The following SOX5 variants were observed in gnomAD, a reference collection of about 807,000 sequenced individuals.
The protein encoded by SOX5 is transcription factor SOX-5.
SOX5 carries 9 observed loss-of-function variants against 92.0 expected under a neutral mutation model. The observed-to-expected ratio is 0.10, with a 90% CI of 0.06 to 0.17. The LOEUF (loss-of-function observed/expected upper bound fraction) is 0.17. SOX5 is among the 10% of genes least tolerant of loss of function. SOX5 has a pLI of 1.00. For missense variants in SOX5, 642 were observed against 944.5 expected (o/e 0.68, Z 4.20); for synonymous variants, 344 against 336.3 (o/e 1.02, Z -0.25).
At position 23,608,524 on chromosome 12, in the gene SOX5, C is replaced by T. The variant is rs2075557207; in HGVS notation, c.1018-3991G>A. Among the ~76,000 whole-genome samples the T allele has an allele frequency of 2.0e-5, 3 of 152,064 alleles. No homozygotes were observed. The South Asian group carries it at 6.2e-4, about 32-fold the overall frequency. On this transcript the variant is annotated intron_variant, in intron 8 of 14. Coordinates refer to ENST00000451604, the MANE Select transcript of SOX5 (RefSeq NM_006940.6). The stretch of plus-strand genomic sequence containing the variant: ...ATTTTTGTCTCAAATTGCTCCATAA[C>T]CTAGATTTTTGTCTCTTCAACATTT...
upstream of SOX5, chr12:23,950,931 C>T: frequency 1.3e-6 from 2 of 1,485,552 alleles, no homozygotes; most frequent in Non-Finnish European, 1.8e-6. Flanking sequence ...AGGGAGTAAG[C>T]ACACACTTAC....
rs60003381 is a variant in SOX5 at position 23,905,597 on chromosome 12, CTTAA to C, written c.39-9577_39-9574del. Among the ~76,000 whole-genome samples, 190 of 152,216 alleles carry C rather than the reference CTTAA, an allele frequency of 1.2e-3. 2 individuals carry two copies. Among genetic ancestry groups the C allele is most frequent in the African/African-American group, 4.2e-3 (175 of 41,550 alleles). On this transcript the variant is annotated intron_variant, in intron 1 of 14. Transcript: ENST00000451604. ...GATAAATAAAACAGAAGAAAAAATACTTAATTAAACTCCACTGAAATCATTTTAT... is the reference window on the plus strand; with the variant it reads ...GATAAATAAAACAGAAGAAAAAATACTTAAACTCCACTGAAATCATTTTAT...
chr12:23,833,643 A>T (rs1004643416), intron 3 of SOX5, among the ~76,000 whole-genome samples: 1 of 151,978 alleles, frequency 6.6e-6, no homozygotes, highest in East Asian at 1.9e-4. Context: ...GTGTATTTCA[A>T]TTTTATATCT....
intron 4 of SOX5, among the ~76,000 whole-genome samples, chr12:24,123,468 A>G (rs1948817610): frequency 6.6e-6 from 1 of 152,180 alleles, no homozygotes; most frequent in South Asian, 2.1e-4. Flanking sequence ...TAGAAAAGCA[A>G]CTTCCTCTTG....
chr12:23,741,077 GAA>G, intron 4 of SOX5, 38 bp from the exon 5 acceptor site: 1 of 1,473,592 alleles, frequency 6.8e-7, no homozygotes, highest in Non-Finnish European at 9.1e-7. Context: ...CAAAATAAAT[GAA>G]AAAAAGTAAT....
chr12:24,129,185 G>A (rs1437625762), intron 4 of SOX5, among the ~76,000 whole-genome samples: 1 of 152,046 alleles, frequency 6.6e-6, no homozygotes, highest in East Asian at 1.9e-4. Flanking sequence ...CCATTATGAA[G>A]GTTCTTTTGA....
At chr12:23,986,660 G>T (rs1281473871) in intron 4 of SOX5, among the ~76,000 whole-genome samples, 2 of 152,192 alleles carry the variant, frequency 1.3e-5, no homozygotes, top group East Asian at 1.9e-4. Context: ...TTTTATCATG[G>T]ACGTGAATGA....
intron 1 of SOX5, among the ~76,000 whole-genome samples, chr12:24,404,674 C>T (rs1176772035): frequency 6.6e-6 from 1 of 152,162 alleles, no homozygotes; most frequent in Non-Finnish European, 1.5e-5. Context: ...ATGCGAGCTA[C>T]AGAGTCACAC....
intron 4 of SOX5, among the ~76,000 whole-genome samples, chr12:23,752,533 G>T (rs1457900895): frequency 6.6e-6 from 1 of 151,822 alleles, no homozygotes; most frequent in Non-Finnish European, 1.5e-5. Context: ...CTATCCTCAG[G>T]TGAGGTACCA....
chr12:23,996,650 C>T (rs1278297100), intron 4 of SOX5, among the ~76,000 whole-genome samples: 2 of 152,130 alleles, frequency 1.3e-5, no homozygotes, highest in African/African-American at 4.8e-5. Context: ...ATTACTAATA[C>T]ATATTACAAT....
chr12:23,570,075 A>C (rs748027047), intron 10 of SOX5, among the ~76,000 whole-genome samples: 2 of 152,202 alleles, frequency 1.3e-5, no homozygotes, highest in Non-Finnish European at 1.5e-5. Flanking sequence ...AGGTTTATTA[A>C]AATTCATGAA....
At chr12:24,273,358 T>A (rs1944015362) in intron 3 of SOX5, among the ~76,000 whole-genome samples, 1 of 152,234 alleles carries the variant, frequency 6.6e-6, no homozygotes, top group East Asian at 1.9e-4. Context: ...GATTACTGAA[T>A]TAAATTTCCT....
At chr12:24,227,607 G>A (rs2139885849) in intron 3 of SOX5, 2 of 152,260 alleles carry the variant, frequency 1.3e-5, no homozygotes, top group African/African-American at 4.8e-5. Context: ...CATTCTTTTG[G>A]TGGGGGGCGG....
At chr12:24,185,800 T>A (rs1955957297) in intron 4 of SOX5, among the ~76,000 whole-genome samples, 1 of 152,182 alleles carries the variant, frequency 6.6e-6, no homozygotes, top group South Asian at 2.1e-4. Context: ...TATCCATGAT[T>A]AATATTATTT....
At chr12:24,095,145 AGAG>A (rs1569540895) in intron 4 of SOX5, among the ~76,000 whole-genome samples, 6 of 151,120 alleles carry the variant, frequency 4.0e-5, no homozygotes, top group African/African-American at 1.5e-4. Context: ...AGAGAGAGAG[AGAG>A]AGAGAGAGAC....
chr12:23,577,193 T>A (rs7963097), intron 9 of SOX5, among the ~76,000 whole-genome samples: 21,920 of 52,716 alleles, frequency 0.42, 2,800 homozygotes, highest in Middle Eastern at 0.61. Flanking sequence ...ATATATATAT[T>A]TTTTTTTTTT....
chr12:23,757,265 A>G (rs2094420034), intron 3 of SOX5, among the ~76,000 whole-genome samples: 1 of 151,938 alleles, frequency 6.6e-6, no homozygotes, highest in Non-Finnish European at 1.5e-5. Flanking sequence ...TTCCCTCAGA[A>G]CAAAATACAT....
chr12:23,697,687 A>AT (rs1399286652), intron 6 of SOX5, among the ~76,000 whole-genome samples: 1 of 152,078 alleles, frequency 6.6e-6, no homozygotes, highest in Non-Finnish European at 1.5e-5. Flanking sequence ...AGCAGCTGGG[A>AT]TTACCAGCAT....
intron 4 of SOX5, among the ~76,000 whole-genome samples, chr12:24,035,532 G>A (rs1402224040): frequency 6.6e-6 from 1 of 152,052 alleles, no homozygotes; most frequent in Non-Finnish European, 1.5e-5. Flanking sequence ...GAAGAAAGCT[G>A]TGGGAATGTT....
Sources: allele counts gnomAD v4.1 joint callset (sites outside exome capture counted in the v4.1 genomes callset), GRCh38; gene constraint gnomAD v4.1.1; transcripts MANE v1.5; gene names NCBI Gene and HGNC (gene_info 2026-07-23, HGNC 2026-07-21).